Variants in CFAP251 observed in about 807,000 individuals in gnomAD.
CFAP251 encodes cilia- and flagella-associated protein 251.
CFAP251 carries 93 observed loss-of-function variants against 126.7 expected under a neutral mutation model. The observed-to-expected ratio is 0.73, with a 90% CI of 0.62 to 0.87. The LOEUF is 0.87. CFAP251 is among the 40% of genes least tolerant of loss of function. The pLI is 0.00. For missense variants in CFAP251, 1,287 were observed against 1,389.2 expected (o/e 0.93, Z 1.17); for synonymous variants, 503 against 506.9 (o/e 0.99, Z 0.10).
intron 17 of CFAP251, chr12:121,971,508 G>A (rs1376608826): frequency 5.7e-6 from 4 of 701,046 alleles, no homozygotes; most frequent in Admixed American, 2.0e-5. Flanking sequence ...TCTCAGGGCC[G>A]GGGCCTGCAC....
chr12:121,937,313 T>G (rs967166565), intron 5 of CFAP251, among the ~76,000 whole-genome samples: 2 of 152,178 alleles, frequency 1.3e-5, no homozygotes, highest in East Asian at 1.9e-4. Context: ...ATTCCCACCA[T>G]GCATCCATCT....
chr12:121,965,196 C>CAGAT, intron 15 of CFAP251, among the ~76,000 whole-genome samples: 1 of 152,314 alleles, frequency 6.6e-6, no homozygotes, highest in Middle Eastern at 3.4e-3. Flanking sequence ...AACCTATGAG[C>CAGAT]AGATGCTCAC....
intron 19 of CFAP251, among the ~76,000 whole-genome samples, chr12:121,991,992 TAAA>T (rs924052711): frequency 2.7e-5 from 4 of 147,726 alleles, no homozygotes; most frequent in African/African-American, 9.9e-5. Context: ...GACTATCATC[TAAA>T]AAAAAAAATC....
intron 4 of CFAP251, 79 bp downstream of exon 4, chr12:121,931,965 C>T: frequency 7.6e-7 from 1 of 1,320,038 alleles, no homozygotes; most frequent in Non-Finnish European, 9.9e-7. Flanking sequence ...ATCTCAAGGG[C>T]TGACTTCATT....
chr12:121,962,179 TC>T lies in CFAP251; in HGVS notation c.2492+20del. The stretch of plus-strand genomic sequence containing the variant: ...AATGTGCAGGTAAGCACCCGGAGCT[TC>T]CCATTGCAGGGGGCGTGGATCAAGT... On this transcript the variant is annotated intron_variant, in intron 15 of 21. Transcript: ENST00000288912. 6.2e-7 allele frequency: 1 copy of T among 1,609,488 alleles called. No individual in the cohort carries two copies. Among genetic ancestry groups the T allele is most frequent in the Non-Finnish European group, 8.5e-7 (1 of 1,178,122 alleles).
At position 121,921,360 on chromosome 12, in the gene CFAP251, G is replaced by T; in HGVS notation, c.55G>T (p.Glu19Ter). 2 of 1,607,048 alleles carry T rather than the reference G, an allele frequency of 1.2e-6. No individual in the cohort carries two copies. The highest frequency in any genetic ancestry group is 1.1e-5 in the South Asian group (1 of 89,584). Reference sequence around the variant, plus strand: ...AGCAACAGGAGAAAATGGAGAAACAGAAATGAAAGAAGAGGAGGAACCTAA... The same window carrying T: ...AGCAACAGGAGAAAATGGAGAAACATAAATGAAAGAAGAGGAGGAACCTAA... ...REATGENGET[E>*]MKEEEEPNPN... Residue 19 changes from glutamate to a stop codon, truncating the protein, a stop_gained, in exon 2 of 22, where the codon GAA becomes TAA. Transcript: ENST00000288912. LOFTEE classifies it high-confidence loss of function.
At chr12:121,992,028 G>A (rs543877729) in intron 19 of CFAP251, among the ~76,000 whole-genome samples, 12 of 152,096 alleles carry the variant, frequency 7.9e-5, no homozygotes, top group Non-Finnish European at 1.8e-4. Flanking sequence ...AATAGGATCT[G>A]GGCCTCAGAA....
intron 3 of CFAP251, among the ~76,000 whole-genome samples, chr12:121,930,595 T>G (rs2135751944): frequency 6.6e-6 from 1 of 152,354 alleles, no homozygotes; most frequent in East Asian, 1.9e-4. Context: ...GTACTTATAA[T>G]TTTTCATTTC....
chr12:121,971,788 C>A (rs1882336056), intron 17 of CFAP251: 3 of 575,884 alleles, frequency 5.2e-6, no homozygotes, highest in South Asian at 3.9e-5. Context: ...CTACCCAAAT[C>A]TCATCTTGAA....
At chr12:121,981,123 T>A (rs1387023659) in intron 19 of CFAP251, among the ~76,000 whole-genome samples, 2 of 152,182 alleles carry the variant, frequency 1.3e-5, no homozygotes, top group African/African-American at 4.8e-5. Flanking sequence ...TTCTTATTTT[T>A]AATTTTATTT....
In CFAP251 at chr12:121,960,669, C is replaced by G; in HGVS notation, c.2218C>G (p.His740Asp). The change falls in exon 14 of 22, where the codon CAT becomes GAT. Residue 740 changes from histidine (H) to aspartate (D), a missense_variant. Physicochemically the swap from His to Asp is moderately conservative, Grantham distance 81. Transcript: ENST00000288912. Reference protein sequence around the residue: ...VWEYLARLRSHRKSIRSLLFG... With the variant: ...VWEYLARLRSDRKSIRSLLFG... ...GGAGTACTTAGCAAGACTTCGCTCT[C>G]ATCGCAAAAGCATTCGAAGTCTCCT... 6.2e-7 allele frequency: 1 copy of G among 1,614,144 alleles called. No individual in the cohort carries two copies. Among genetic ancestry groups the G allele is most frequent in the Non-Finnish European group, 8.5e-7 (1 of 1,179,986 alleles).
intron 1 of CFAP251, among the ~76,000 whole-genome samples, chr12:121,919,148 T>A (rs900858504): frequency 1.3e-5 from 2 of 150,662 alleles, no homozygotes; most frequent in East Asian, 1.9e-4. Context: ...TTATTATTTT[T>A]TTTTTACCAG....
chr12:121,963,056 G>C (rs1881999063), intron 15 of CFAP251, among the ~76,000 whole-genome samples: 1 of 152,150 alleles, frequency 6.6e-6, no homozygotes, highest in East Asian at 1.9e-4. Flanking sequence ...TTTTGAGCAG[G>C]GGAGTGACAT....
intron 7 of CFAP251, among the ~76,000 whole-genome samples, chr12:121,946,561 T>C (rs1412201122): frequency 2.0e-5 from 3 of 152,134 alleles, no homozygotes; most frequent in African/African-American, 7.2e-5. Flanking sequence ...ATTTTACAGA[T>C]TTTTCCCTTG....
chr12:121,958,643 G>GAGGC (rs1317581379), intron 12 of CFAP251, 121 bp downstream of exon 12: 1 of 1,459,196 alleles, frequency 6.9e-7, no homozygotes, highest in African/African-American at 1.4e-5. Flanking sequence ...CAGGCTGGAT[G>GAGGC]AGGCGCCTTC....
chr12:121,961,066 G>A (rs1356358152), intron 14 of CFAP251, among the ~76,000 whole-genome samples: 1 of 152,160 alleles, frequency 6.6e-6, no homozygotes, highest in Non-Finnish European at 1.5e-5. Context: ...GGGGAGGGCT[G>A]ACACTCACTA....
chr12:121,938,099 G>A lies in CFAP251; in HGVS notation c.998+3743G>A, dbSNP rs534464632. Among the ~76,000 whole-genome samples the A allele has an allele frequency of 6.6e-5, 10 of 152,080 alleles. No homozygotes were observed. In the South Asian group the frequency reaches 2.1e-3, roughly 32 times the overall value. ...GGCTCACTGCAGCCTTGGCCTCCGA[G>A]GCTCAAGTGATCCTCCCACCTCAGC... On this transcript the variant is annotated intron_variant, in intron 5 of 21. Coordinates refer to ENST00000288912, the MANE Select transcript of CFAP251 (RefSeq NM_144668.6).
Position 121,968,017 on chromosome 12 carries a change from G to C in CFAP251, c.2619G>C (p.Gln873His). ...GTGTTCCTTTCTAGGTGGGACTTCA[G>C]ATCTTACCAGTTGACGGCAATCCAC... ...VFINRDKVGL[Q>H]ILPVDGNPHK... The change falls in exon 17 of 22, where the codon CAG becomes CAC. Residue 873 changes from glutamine to histidine, a missense_variant. By Grantham distance (24) the Gln-to-His change is conservative. Transcript: ENST00000288912. The C allele has an allele frequency of 6.2e-7, 1 of 1,606,298 alleles. No homozygotes were observed. The highest frequency in any genetic ancestry group is 1.3e-5 in the African/African-American group (1 of 74,876).
chr12:121,939,047 G>A (rs933345008), intron 5 of CFAP251, among the ~76,000 whole-genome samples: 3 of 151,928 alleles, frequency 2.0e-5, no homozygotes, highest in East Asian at 1.9e-4. Flanking sequence ...TGCCATCTCC[G>A]ATCTTAGTCT....
Sources: allele counts gnomAD v4.1 joint callset (sites outside exome capture counted in the v4.1 genomes callset), GRCh38; gene constraint gnomAD v4.1.1; transcripts MANE v1.5; gene names NCBI Gene and HGNC (gene_info 2026-07-23, HGNC 2026-07-21).